PCSK2: variants seen among roughly 807,000 people sequenced by gnomAD.
The protein encoded by PCSK2 is proprotein convertase subtilisin/kexin type 2.
PCSK2 carries 14 observed loss-of-function variants against 69.7 expected under a neutral mutation model. The observed-to-expected ratio is 0.20, with a 90% CI of 0.13 to 0.31. The LOEUF is 0.31. PCSK2 is among the 10% of genes least tolerant of loss of function. The probability of loss-of-function intolerance (pLI) is 1.00; values close to 1 mark genes in which losing one functional copy is unlikely to be tolerated. For missense variants in PCSK2, 544 were observed against 842.5 expected (o/e 0.65, Z 4.39); for synonymous variants, 307 against 320.7 (o/e 0.96, Z 0.46).
At chr20:17,342,155 C>G (rs1233045413) in intron 2 of PCSK2, among the ~76,000 whole-genome samples, 1 of 149,088 alleles carries the variant, frequency 6.7e-6, no homozygotes, top group Non-Finnish European at 1.5e-5. Flanking sequence ...CACCCAGCAC[C>G]AGCAAATTAC....
intron 5 of PCSK2, among the ~76,000 whole-genome samples, chr20:17,400,613 A>T (rs752546574): frequency 7.9e-5 from 12 of 152,198 alleles, no homozygotes; most frequent in Non-Finnish European, 7.3e-5. Context: ...TTTTAATTAC[A>T]AAATGTAATT....
chr20:17,356,421 G>A (rs546155337), intron 2 of PCSK2, among the ~76,000 whole-genome samples: 2 of 152,210 alleles, frequency 1.3e-5, no homozygotes, highest in African/African-American at 2.4e-5. Flanking sequence ...AATTTCTCTG[G>A]TAAATGAGCT....
At chr20:17,446,418 A>G (rs1312558309) in intron 8 of PCSK2, among the ~76,000 whole-genome samples, 1 of 152,200 alleles carries the variant, frequency 6.6e-6, no homozygotes, top group African/African-American at 2.4e-5. Context: ...GAAAGTTCCA[A>G]ACTACAAAGG....
intron 8 of PCSK2, among the ~76,000 whole-genome samples, chr20:17,437,625 G>A (rs771852090): frequency 6.6e-6 from 1 of 152,172 alleles, no homozygotes; most frequent in Non-Finnish European, 1.5e-5. Context: ...ATGTATAAAT[G>A]AGATAAAGAT....
chr20:17,326,072 A>G (rs1014829635), intron 2 of PCSK2, among the ~76,000 whole-genome samples: 3 of 152,256 alleles, frequency 2.0e-5, no homozygotes, highest in Non-Finnish European at 2.9e-5. Context: ...TTCTGCCCCC[A>G]TGCCATTAGC....
chr20:17,406,021 T>A (rs1436579828), intron 5 of PCSK2, among the ~76,000 whole-genome samples: 1 of 152,092 alleles, frequency 6.6e-6, no homozygotes, highest in Non-Finnish European at 1.5e-5. Context: ...AGCAGGAAAA[T>A]CGATTAAAGG....
intron 6 of PCSK2, among the ~76,000 whole-genome samples, chr20:17,421,462 G>A (rs2032124619): frequency 2.0e-5 from 3 of 152,218 alleles, no homozygotes; most frequent in Non-Finnish European, 4.4e-5. Flanking sequence ...AAACGTGGTC[G>A]ACGCCAAACT....
At chr20:17,421,807 TA>T (rs56376793) in intron 6 of PCSK2, among the ~76,000 whole-genome samples, 12 of 78,972 alleles carry the variant, frequency 1.5e-4, no homozygotes, top group East Asian at 4.5e-4. Context: ...GGAAGAGAGG[TA>T]AAAAAAAAAA....
At chr20:17,457,282 G>A (rs1305844077) in intron 10 of PCSK2, among the ~76,000 whole-genome samples, 1 of 152,210 alleles carries the variant, frequency 6.6e-6, no homozygotes, top group Non-Finnish European at 1.5e-5. Context: ...TCTTGGGGAA[G>A]GAGAGTAGAG....
intron 2 of PCSK2, among the ~76,000 whole-genome samples, chr20:17,347,175 T>C (rs899039137): frequency 6.6e-6 from 1 of 152,166 alleles, no homozygotes; most frequent in Non-Finnish European, 1.5e-5. Flanking sequence ...AACTTGGTAT[T>C]CTTTGAAAAC....
At chr20:17,358,541 C>T (rs536571410) in intron 3 of PCSK2, 101 bp downstream of exon 3, 8 of 699,194 alleles carry the variant, frequency 1.1e-5, no homozygotes, top group East Asian at 2.7e-5. Flanking sequence ...TAGCCAGTAT[C>T]CAACCCAGTG....
chr20:17,400,590 T>A (rs2031611935), intron 5 of PCSK2, among the ~76,000 whole-genome samples: 1 of 152,148 alleles, frequency 6.6e-6, no homozygotes, highest in Non-Finnish European at 1.5e-5. Flanking sequence ...ACACAAAATG[T>A]AATTTTTACT....
intron 5 of PCSK2, among the ~76,000 whole-genome samples, chr20:17,378,590 CGGATGGATGGATGGATGGATGGATGGAT>C (rs57945532): frequency 3.2e-4 from 44 of 136,302 alleles, no homozygotes; most frequent in African/African-American, 1.2e-3. Flanking sequence ...GATGGATGGA[CGGATGGATGGATGGATGGATGGATGGAT>C]GGATGGATGG....
In PCSK2 at chr20:17,463,865, C is replaced by T. The variant is rs918430527; in HGVS notation, c.1203-1461C>T. Reference sequence around the variant, plus strand: ...TCAAATGAGTTATGTTGCTCCTGGTCCTTTGAATTGTTTGACTTCTGAAGA... The same window carrying T: ...TCAAATGAGTTATGTTGCTCCTGGTTCTTTGAATTGTTTGACTTCTGAAGA... On this transcript the variant is annotated intron_variant, in intron 10 of 11. Transcript: ENST00000262545. 4 of 152,236 alleles carry T rather than the reference C, an allele frequency of 2.6e-5. No homozygotes were observed. The South Asian group carries it at 8.3e-4, about 32-fold the overall frequency. 9.4% of individuals were successfully genotyped at this position (152,236 alleles called of 1,614,324 possible).
chr20:17,408,372 C>A (rs1002907807), intron 5 of PCSK2, among the ~76,000 whole-genome samples: 1 of 151,792 alleles, frequency 6.6e-6, no homozygotes, highest in East Asian at 1.9e-4. Context: ...AAAAGGCAAA[C>A]CAACTAAAGA....
intron 11 of PCSK2, among the ~76,000 whole-genome samples, chr20:17,468,470 A>G (rs1439114250): frequency 6.8e-6 from 1 of 146,062 alleles, no homozygotes; most frequent in Non-Finnish European, 1.5e-5. Flanking sequence ...CCTGCTGTAG[A>G]CAGGCAGCCT....
At chr20:17,255,048 A>T (rs1987124640) in intron 1 of PCSK2, among the ~76,000 whole-genome samples, 1 of 152,188 alleles carries the variant, frequency 6.6e-6, no homozygotes, top group South Asian at 2.1e-4. Flanking sequence ...CTCTTTTGTC[A>T]ATTCTAATAA....
intron 2 of PCSK2, among the ~76,000 whole-genome samples, chr20:17,311,630 A>C (rs1161774185): frequency 6.6e-6 from 1 of 152,170 alleles, no homozygotes. Context: ...ATGTGTCTTC[A>C]TTATGTAGTT....
intron 5 of PCSK2, among the ~76,000 whole-genome samples, chr20:17,387,293 C>T (rs1252743348): frequency 6.6e-6 from 1 of 152,168 alleles, no homozygotes; most frequent in East Asian, 1.9e-4. Flanking sequence ...CAGATTACCC[C>T]CAAAACATGG....
Sources: gnomAD v4.1 joint callset for allele counts (sites outside exome capture counted in the v4.1 genomes callset) on GRCh38, gnomAD v4.1.1 for gene constraint, MANE v1.5 for transcripts, NCBI Gene and HGNC (gene_info 2026-07-23, HGNC 2026-07-21) for gene names.